Variants in SCFD2 observed in about 807,000 individuals in gnomAD.
The protein encoded by SCFD2 is sec1 family domain containing 2, also known as sec1 family domain-containing protein 2.
Under a neutral mutation model 58.9 loss-of-function variants are expected in SCFD2, and 54 were observed. The observed-to-expected ratio is 0.92, with a 90% CI of 0.74 to 1.15. SCFD2 has a LOEUF of 1.15. SCFD2 is among the 50% of genes most tolerant of loss of function. The probability of loss-of-function intolerance (pLI) is 0.00; values close to 1 mark genes in which losing one functional copy is unlikely to be tolerated. For synonymous variants in SCFD2, 321 were observed against 335.9 expected (o/e 0.96, Z 0.49); for missense variants, 805 against 836.6 (o/e 0.96, Z 0.47).
At chr4:53,356,477 G>A (rs897616598) in intron 1 of SCFD2, among the ~76,000 whole-genome samples, 17 of 152,144 alleles carry the variant, frequency 1.1e-4, no homozygotes, top group Non-Finnish European at 5.9e-5. Flanking sequence ...CCAGGCAGGA[G>A]TGCAGTGGCT....
rs546680826 is a variant in SCFD2, at chr4:53,291,062, T to C, written c.1136-17061A>G. Among the ~76,000 whole-genome samples, 7 of 152,138 alleles carry C rather than the reference T, an allele frequency of 4.6e-5. No homozygotes were observed. The South Asian group carries it at 1.0e-3, about 23-fold the overall frequency. ...ACCTCTTAAGCCCACACAAAAAAATTAGAGCTAAAGGGAATACTTCCCAAC... is the reference window on the plus strand; with the variant it reads ...ACCTCTTAAGCCCACACAAAAAAATCAGAGCTAAAGGGAATACTTCCCAAC... On this transcript the variant is annotated intron_variant, in intron 3 of 8. Coordinates refer to ENST00000401642, the MANE Select transcript of SCFD2 (RefSeq NM_152540.4).
intron 4 of SCFD2, among the ~76,000 whole-genome samples, chr4:53,188,114 G>T (rs1359479448): frequency 6.6e-6 from 1 of 151,940 alleles, no homozygotes; most frequent in Non-Finnish European, 1.5e-5. Context: ...TGGTTAAATG[G>T]CAATAGAAAA....
intron 5 of SCFD2, among the ~76,000 whole-genome samples, chr4:53,016,632 A>C (rs1722219811): frequency 6.6e-6 from 1 of 152,170 alleles, no homozygotes; most frequent in African/African-American, 2.4e-5. Flanking sequence ...AAAATAAATG[A>C]CTCGTGCTAC....
intron 5 of SCFD2, among the ~76,000 whole-genome samples, chr4:52,984,791 G>C (rs547069270): frequency 2.6e-5 from 4 of 152,314 alleles, no homozygotes; most frequent in Admixed American, 2.6e-4. Context: ...ATTTAATTTT[G>C]AGTCCTCTTT....
At chr4:53,321,007 T>C (rs1733007598) in intron 2 of SCFD2, among the ~76,000 whole-genome samples, 2 of 152,270 alleles carry the variant, frequency 1.3e-5, no homozygotes, top group African/African-American at 4.8e-5. Context: ...GTAGTTTCTA[T>C]ATTGTCAGTA....
intron 5 of SCFD2, chr4:52,949,298 T>C (rs116727043): frequency 6.6e-6 from 1 of 152,358 alleles, no homozygotes; most frequent in Non-Finnish European, 1.5e-5. Flanking sequence ...CTTCGACTTA[T>C]AAGTCCATAT....
chr4:53,105,253 G>C (rs1490009190), intron 5 of SCFD2, among the ~76,000 whole-genome samples: 1 of 151,892 alleles, frequency 6.6e-6, no homozygotes, highest in Non-Finnish European at 1.5e-5. Flanking sequence ...GCACAAAACT[G>C]CGCGGCCGTT....
intron 4 of SCFD2, among the ~76,000 whole-genome samples, chr4:53,203,239 G>A (rs1374533459): frequency 6.6e-6 from 1 of 152,126 alleles, no homozygotes; most frequent in African/African-American, 2.4e-5. Context: ...AGCCTGAAGG[G>A]TTGTTGAATT....
intron 5 of SCFD2, among the ~76,000 whole-genome samples, chr4:53,096,432 T>G (rs569071002): frequency 4.6e-5 from 7 of 152,370 alleles, no homozygotes; most frequent in African/African-American, 1.7e-4. Context: ...AGATGGTATC[T>G]CATTGTGGTT....
rs143253238 is a variant in SCFD2 at position 53,142,790 on chromosome 4, G to C, written c.1561+2543C>G. 3.9e-5 allele frequency among the ~76,000 whole-genome samples: 6 copies of C among 152,138 alleles called. No homozygotes were observed. The East Asian group carries it at 1.2e-3, about 29-fold the overall frequency. ...CTTAGTAAGAGGTATGTCTATACTG[G>C]CCAAGTAAGTCTATCTTCAGAAATA... On this transcript the variant is annotated intron_variant, in intron 5 of 8. Transcript: ENST00000401642.
chr4:53,028,045 G>C (rs1397740698), intron 5 of SCFD2, among the ~76,000 whole-genome samples: 1 of 152,018 alleles, frequency 6.6e-6, no homozygotes, highest in Non-Finnish European at 1.5e-5. Context: ...TCAGGAGTTT[G>C]AGACCAGCCT....
At chr4:52,904,229 C>A (rs1719292325) in intron 7 of SCFD2, among the ~76,000 whole-genome samples, 1 of 152,170 alleles carries the variant, frequency 6.6e-6, no homozygotes, top group South Asian at 2.1e-4. Context: ...TCAGCTAGAG[C>A]CTTTCAAGTT....
At chr4:53,152,572 G>A (rs770441816) in intron 4 of SCFD2, among the ~76,000 whole-genome samples, 1 of 151,990 alleles carries the variant, frequency 6.6e-6, no homozygotes, top group Non-Finnish European at 1.5e-5. Flanking sequence ...GATTTGGAGG[G>A]GGCAAATATC....
chr4:53,089,769 G>A (rs568875266), intron 5 of SCFD2, among the ~76,000 whole-genome samples: 7 of 152,188 alleles, frequency 4.6e-5, no homozygotes, highest in South Asian at 2.1e-4. Flanking sequence ...TAGATGTCCC[G>A]TTTGTAGAAT....
chr4:53,009,756 C>T (rs1722055921), intron 5 of SCFD2, among the ~76,000 whole-genome samples: 1 of 152,176 alleles, frequency 6.6e-6, no homozygotes, highest in African/African-American at 2.4e-5. Context: ...CCACTATCAC[C>T]CCCTGCTTCC....
chr4:53,086,183 G>GA lies in SCFD2; in HGVS notation c.1561+59149dup, dbSNP rs1456436208. ...ACGAGGAGCTCGAACAATTGTACAGGAAAAAAATCTAATAATCTGATTTAA... is the reference window on the plus strand; with the variant it reads ...ACGAGGAGCTCGAACAATTGTACAGGAAAAAAAATCTAATAATCTGATTTAA... On this transcript the variant is annotated intron_variant, in intron 5 of 8. Transcript: ENST00000401642. Among the ~76,000 whole-genome samples the GA allele has an allele frequency of 3.3e-5, 5 of 152,098 alleles. No homozygotes were observed. The South Asian group carries it at 8.3e-4, about 25-fold the overall frequency.
chr4:53,032,924 A>G (rs985577870), intron 5 of SCFD2, among the ~76,000 whole-genome samples: 6 of 152,212 alleles, frequency 3.9e-5, no homozygotes, highest in Non-Finnish European at 7.3e-5. Context: ...CAGAAAATTA[A>G]CAAGGATATT....
At chr4:53,246,702 A>C (rs546398467) in intron 4 of SCFD2, among the ~76,000 whole-genome samples, 8 of 152,358 alleles carry the variant, frequency 5.3e-5, no homozygotes, top group Non-Finnish European at 8.8e-5. Flanking sequence ...AGATGGATTA[A>C]GGACTTAATT....
intron 2 of SCFD2, among the ~76,000 whole-genome samples, chr4:53,340,494 C>A (rs1488089060): frequency 1.8e-4 from 27 of 152,188 alleles, no homozygotes; most frequent in Non-Finnish European, 3.7e-4. Context: ...CACCACAAAT[C>A]AAGGAGGCCT....
Sources: gnomAD v4.1 joint callset for allele counts (sites outside exome capture counted in the v4.1 genomes callset) on GRCh38, gnomAD v4.1.1 for gene constraint, MANE v1.5 for transcripts, NCBI Gene and HGNC (gene_info 2026-07-23, HGNC 2026-07-21) for gene names.